FOCAD: variants seen among roughly 807,000 people sequenced by gnomAD.
FOCAD encodes the protein focadhesin, also known as KIAA1797.
A neutral mutation model predicts 225.6 loss-of-function variants in FOCAD; 198 were observed. That is an observed-to-expected ratio of 0.88 (90% CI 0.78 to 0.99). The LOEUF (loss-of-function observed/expected upper bound fraction) is 0.99. Among genes scored for constraint, FOCAD ranks in the 50% least tolerant of loss-of-function variants. FOCAD has a pLI of 0.00. For missense variants in FOCAD, 2,713 were observed against 2,123.6 expected, an observed-to-expected ratio of 1.28 and a Z score of -5.46; for synonymous variants, 897 against 755.0, an observed-to-expected ratio of 1.19 and a Z score of -3.08.
intron 6 of FOCAD, among the ~76,000 whole-genome samples, chr9:20,761,664 C>T (rs956753301): frequency 6.6e-6 from 1 of 152,116 alleles, no homozygotes; most frequent in Non-Finnish European, 1.5e-5. Flanking sequence ...TCATGATCCA[C>T]CCGCCTCGGA....
At chr9:20,789,700 A>G in intron 11 of FOCAD, 92 bp downstream of exon 11, 6 of 1,464,810 alleles carry the variant, frequency 4.1e-6, no homozygotes, top group Non-Finnish European at 5.5e-6. Context: ...TTTGCATCAG[A>G]GTTTTAAATT....
intron 1 of FOCAD, among the ~76,000 whole-genome samples, chr9:20,702,733 C>G (rs1407328852): frequency 6.6e-6 from 1 of 152,096 alleles, no homozygotes; most frequent in Non-Finnish European, 1.5e-5. Context: ...TGACTTCTTC[C>G]CTGAGCTCCT....
chr9:20,977,017 G>A (rs1429919412), intron 36 of FOCAD, among the ~76,000 whole-genome samples: 2 of 152,130 alleles, frequency 1.3e-5, no homozygotes, highest in African/African-American at 4.8e-5. Context: ...TAAGATCAAG[G>A]TATCAGCAAA....
chr9:20,810,566 T>A (rs943437647), intron 11 of FOCAD, among the ~76,000 whole-genome samples: 3 of 152,170 alleles, frequency 2.0e-5, no homozygotes, highest in Non-Finnish European at 4.4e-5. Flanking sequence ...TCACTATAGT[T>A]ATCATTTATG....
intron 5 of FOCAD, among the ~76,000 whole-genome samples, chr9:20,746,928 C>G (rs111640508): frequency 2.6e-5 from 4 of 152,146 alleles, no homozygotes; most frequent in Non-Finnish European, 4.4e-5. Flanking sequence ...ATATAAATGA[C>G]GCTGTGTCCT....
At chr9:20,859,480 C>G (rs2131675839) in intron 15 of FOCAD, among the ~76,000 whole-genome samples, 1 of 149,756 alleles carries the variant, frequency 6.7e-6, no homozygotes, top group East Asian at 1.9e-4. Flanking sequence ...GTTGTTTTGT[C>G]TTTGGTGTTT....
chr9:20,888,139 CTTT>C (rs1377523100), intron 21 of FOCAD, among the ~76,000 whole-genome samples: 4 of 45,612 alleles, frequency 8.8e-5, no homozygotes, highest in African/African-American at 3.6e-4. Context: ...TTTTTTTCTT[CTTT>C]TTTTTTTTTT....
At chr9:20,917,037 AT>A in intron 24 of FOCAD, 100 bp downstream of exon 24, 1 of 884,794 alleles carries the variant, frequency 1.1e-6, no homozygotes, top group Non-Finnish European at 1.7e-6. Flanking sequence ...AATTTTAAGG[AT>A]TTTAGAGTAC....
At chr9:20,939,150 C>CAAAAAAAAAAAAAAAAAAAAAAAAAA (rs565280892) in intron 28 of FOCAD, among the ~76,000 whole-genome samples, 2 of 72,488 alleles carry the variant, frequency 2.8e-5, no homozygotes, top group Admixed American at 1.6e-4. Context: ...ACTCTCTTCT[C>CAAAAAAAAAAAAAAAAAAAAAAAAAA]AAAAAAAAAA....
chr9:20,925,128 C>T (rs1350233350), intron 25 of FOCAD, among the ~76,000 whole-genome samples: 2 of 151,594 alleles, frequency 1.3e-5, no homozygotes, highest in African/African-American at 4.9e-5. Context: ...TAGTTAATTA[C>T]CTTATGAAAA....
intron 15 of FOCAD, among the ~76,000 whole-genome samples, chr9:20,845,425 T>G (rs541877910): frequency 1.7e-5 from 2 of 114,306 alleles, no homozygotes; most frequent in East Asian, 6.0e-4. Context: ...TTGATATATT[T>G]TATGCATCTT....
chr9:20,821,093 G>C lies in FOCAD; in HGVS notation c.1793+22G>C, dbSNP rs762041313. ...AGAGGTATGATGTCATTAACTCTTA[G>C]GAATGTATATCATGATATATTATTT... is the stretch of plus-strand genomic sequence containing the variant. On this transcript the variant is annotated intron_variant, in intron 14 of 43. Coordinates refer to ENST00000338382, the MANE Select transcript of FOCAD (RefSeq NM_001375567.1). The C allele has an allele frequency of 3.7e-6, 6 of 1,602,122 alleles. No homozygotes were observed. In the Admixed American group the frequency reaches 5.1e-5, roughly 14 times the overall value.
At chr9:20,933,999 A>T (rs181557163) in intron 28 of FOCAD, among the ~76,000 whole-genome samples, 9 of 152,138 alleles carry the variant, frequency 5.9e-5, no homozygotes, top group Admixed American at 5.9e-4. Flanking sequence ...GGTCATTTGT[A>T]TATCTTCTTT....
intron 15 of FOCAD, among the ~76,000 whole-genome samples, chr9:20,837,913 C>T (rs1025937234): frequency 3.3e-5 from 5 of 151,914 alleles, no homozygotes; most frequent in African/African-American, 1.2e-4. Flanking sequence ...TTAGACTTAA[C>T]CTTGATTATA....
At chr9:20,786,956 T>C (rs565302370) in intron 10 of FOCAD, 8 of 473,910 alleles carry the variant, frequency 1.7e-5, no homozygotes, top group African/African-American at 1.6e-4. Context: ...TCCCTCAGGC[T>C]ATGGGGCCAG....
At chr9:20,878,841 CA>C (rs1221183693) in intron 19 of FOCAD, among the ~76,000 whole-genome samples, 2 of 152,112 alleles carry the variant, frequency 1.3e-5, no homozygotes, top group African/African-American at 4.8e-5. Flanking sequence ...AATCTGAGGC[CA>C]AAAGCCTCAG....
At chr9:20,691,773 C>G (rs1004784231) in intron 1 of FOCAD, among the ~76,000 whole-genome samples, 5 of 145,112 alleles carry the variant, frequency 3.4e-5, no homozygotes, top group Non-Finnish European at 6.0e-5. Context: ...AGCCACCAAG[C>G]CCGGCCAATT....
chr9:20,866,498 A>T (rs2131725564), intron 17 of FOCAD, among the ~76,000 whole-genome samples: 1 of 152,160 alleles, frequency 6.6e-6, no homozygotes, highest in South Asian at 2.1e-4. Flanking sequence ...CCTTCTGCTA[A>T]ATCATACTAC....
chr9:20,784,927 TTTC>T (rs199853278), intron 10 of FOCAD, among the ~76,000 whole-genome samples: 1,930 of 151,478 alleles, frequency 0.013, 49 homozygotes, highest in African/African-American at 0.044. Context: ...CTTTTCTTTC[TTTC>T]TTTTTTTTTT....
Sources: allele counts gnomAD v4.1 joint callset (sites outside exome capture counted in the v4.1 genomes callset), GRCh38; gene constraint gnomAD v4.1.1; transcripts MANE v1.5; gene names NCBI Gene and HGNC (gene_info 2026-07-23, HGNC 2026-07-21).